Variants in ANKS1B observed in about 807,000 individuals in gnomAD.
ANKS1B encodes the protein ankyrin repeat and sterile alpha motif domain-containing protein 1B.
Under a neutral mutation model 148.3 loss-of-function variants are expected in ANKS1B, and 36 were observed. The observed-to-expected ratio is 0.24, with a 90% CI of 0.19 to 0.32. The LOEUF is 0.32. Among genes scored for constraint, ANKS1B ranks in the 10% least tolerant of loss-of-function variants. The pLI is 1.00. For synonymous variants in ANKS1B, 542 were observed against 560.8 expected, an observed-to-expected ratio of 0.97 and a Z score of 0.47; for missense variants, 1,157 against 1,542.6, an observed-to-expected ratio of 0.75 and a Z score of 4.19.
intron 17 of ANKS1B, among the ~76,000 whole-genome samples, chr12:98,869,776 C>T (rs2099643992): frequency 6.6e-6 from 1 of 151,726 alleles, no homozygotes; most frequent in South Asian, 2.1e-4. Flanking sequence ...CAAGGTATTT[C>T]CCAAATTATC....
At chr12:99,686,998 T>TG (rs1411460115) in intron 8 of ANKS1B, among the ~76,000 whole-genome samples, 1 of 152,194 alleles carries the variant, frequency 6.6e-6, no homozygotes, top group African/African-American at 2.4e-5. Context: ...CTGGATAACT[T>TG]CCTTTAATCT....
In ANKS1B at chr12:98,788,262, CA is replaced by C. The variant is rs545240585; in HGVS notation, c.3343-6126del. Among the ~76,000 whole-genome samples, 997 of 115,294 alleles carry C rather than the reference CA, an allele frequency of 8.6e-3. 9 individuals are homozygous for C. The highest frequency in any genetic ancestry group is 0.025 in the African/African-American group (793 of 31,138). 75.6% of individuals were successfully genotyped at this position (115,294 alleles called of 152,430 possible). A position where few individuals can be genotyped will look rare whatever the true frequency, so the allele number is the denominator to read the frequency against. ...TCTCTAGAAAAGAGAAGAAAACAGA[CA>C]AAAAAAAAAAAAAAGATCATGAGAG... is the stretch of plus-strand genomic sequence containing the variant. On this transcript the variant is annotated intron_variant, in intron 22 of 26. Coordinates refer to ENST00000683438, the MANE Select transcript of ANKS1B (RefSeq NM_001352186.2).
chr12:99,920,259 C>A (rs1047009402), intron 1 of ANKS1B, among the ~76,000 whole-genome samples: 9 of 152,010 alleles, frequency 5.9e-5, no homozygotes, highest in African/African-American at 1.2e-4. Flanking sequence ...TAACTCCCAG[C>A]GAAAAATGTC....
chr12:98,794,974 T>C, intron 22 of ANKS1B: 1 of 1,060,406 alleles, frequency 9.4e-7, no homozygotes. Context: ...TTCTTAAAAA[T>C]CTCTGTAACC....
chr12:99,056,682 G>A (rs2040314361), intron 16 of ANKS1B, among the ~76,000 whole-genome samples: 1 of 152,176 alleles, frequency 6.6e-6, no homozygotes, highest in Admixed American at 6.5e-5. Flanking sequence ...AACTAGACAC[G>A]TGTATGTCTA....
At chr12:99,965,902 A>C (rs912552646) in intron 1 of ANKS1B, among the ~76,000 whole-genome samples, 2 of 152,194 alleles carry the variant, frequency 1.3e-5, no homozygotes, top group Admixed American at 1.3e-4. Context: ...ACAAAGTGAG[A>C]CTGCATCTCC....
At chr12:99,756,675 T>G (rs979452135) in intron 8 of ANKS1B, among the ~76,000 whole-genome samples, 3 of 152,078 alleles carry the variant, frequency 2.0e-5, no homozygotes, top group African/African-American at 7.2e-5. Flanking sequence ...AATTTCAAAC[T>G]ATACTATGGG....
At chr12:99,429,288 T>A (rs1329166543) in intron 11 of ANKS1B, among the ~76,000 whole-genome samples, 3 of 152,202 alleles carry the variant, frequency 2.0e-5, no homozygotes, top group African/African-American at 7.2e-5. Context: ...CACCAGCTGA[T>A]AGGATGCAAT....
rs918516738 is a variant in ANKS1B at position 99,571,648 on chromosome 12, C to G, written c.1273-67007G>C. ...CCATTTAAGGTGATTTGATCCAGAA[C>G]ATTGGGGAATACTATTATTCAGAAA... On this transcript the variant is annotated intron_variant, in intron 9 of 26. Transcript: ENST00000683438. 3.9e-5 allele frequency among the ~76,000 whole-genome samples: 6 copies of G among 152,230 alleles called. 1 individual carries two copies. The highest frequency in any genetic ancestry group is 3.9e-4 in the East Asian group (2 of 5,178).
chr12:99,527,546 C>A (rs1343384343), intron 9 of ANKS1B, among the ~76,000 whole-genome samples: 1 of 152,052 alleles, frequency 6.6e-6, no homozygotes, highest in Non-Finnish European at 1.5e-5. Flanking sequence ...CTGGTGGTAG[C>A]CATGGAGAGT....
chr12:99,447,124 A>G (rs1191534236), intron 10 of ANKS1B, among the ~76,000 whole-genome samples: 1 of 152,140 alleles, frequency 6.6e-6, no homozygotes, highest in Non-Finnish European at 1.5e-5. Context: ...AGAAACAGAC[A>G]CATCAACCAA....
chr12:98,867,783 A>C (rs1266203449), intron 17 of ANKS1B, among the ~76,000 whole-genome samples: 1 of 150,820 alleles, frequency 6.6e-6, no homozygotes, highest in Non-Finnish European at 1.5e-5. Flanking sequence ...AATGGTGTGG[A>C]CCCGGGAGGA....
chr12:99,251,457 A>G (rs924679531), intron 12 of ANKS1B, among the ~76,000 whole-genome samples: 3 of 152,198 alleles, frequency 2.0e-5, no homozygotes, highest in African/African-American at 7.2e-5. Context: ...ACGGAGGAAA[A>G]TATACAGATT....
intron 14 of ANKS1B, among the ~76,000 whole-genome samples, chr12:99,206,492 T>A (rs1468934743): frequency 6.6e-6 from 1 of 152,164 alleles, no homozygotes; most frequent in Admixed American, 6.5e-5. Context: ...AAAAATTTAA[T>A]GGGCTCTTTT....
intron 1 of ANKS1B, among the ~76,000 whole-genome samples, chr12:99,950,730 AC>A (rs577560759): frequency 6.0e-5 from 9 of 149,084 alleles, no homozygotes; most frequent in Admixed American, 4.0e-4. Flanking sequence ...CCTCAAAACC[AC>A]CCCCCCCAAT....
intron 8 of ANKS1B, among the ~76,000 whole-genome samples, chr12:99,694,438 A>G (rs2053597779): frequency 7.3e-6 from 1 of 137,474 alleles, no homozygotes; most frequent in Non-Finnish European, 1.6e-5. Context: ...GACTTCATCT[A>G]AAAAAAAAAA....
chr12:98,789,713 T>G lies in ANKS1B; in HGVS notation c.3343-7576A>C, dbSNP rs377556357. On this transcript the variant is annotated intron_variant, in intron 22 of 26. Transcript: ENST00000683438. ...GTACTGGCTATCATTTGAAAAGAAT[T>G]GGAAATGACAGAATGACCAACAAGG... Among the ~76,000 whole-genome samples the G allele has an allele frequency of 3.9e-5, 6 of 152,162 alleles. No homozygotes were observed. The South Asian group carries it at 8.3e-4, about 21-fold the overall frequency.
chr12:99,745,560 T>C (rs1011032249), intron 8 of ANKS1B, among the ~76,000 whole-genome samples: 1 of 152,198 alleles, frequency 6.6e-6, no homozygotes, highest in Non-Finnish European at 1.5e-5. Flanking sequence ...GCCTCAATTT[T>C]CTATCTTATC....
chr12:99,438,866 G>C (rs2095503359), intron 11 of ANKS1B, among the ~76,000 whole-genome samples: 1 of 151,482 alleles, frequency 6.6e-6, no homozygotes, highest in East Asian at 1.9e-4. Context: ...TTTTACTATA[G>C]TCACAGCAAT....
Sources: allele counts gnomAD v4.1 joint callset (sites outside exome capture counted in the v4.1 genomes callset), GRCh38; gene constraint gnomAD v4.1.1; transcripts MANE v1.5; gene names NCBI Gene and HGNC (gene_info 2026-07-23, HGNC 2026-07-21).